The following WAC variants were observed in gnomAD, a reference collection of about 807,000 sequenced individuals.
WAC encodes WW domain-containing adapter protein with coiled-coil.
A neutral mutation model predicts 79.6 loss-of-function variants in WAC; 11 were observed. The ratio of observed to expected loss-of-function variants is 0.14; its 90% CI spans 0.09 to 0.23. The LOEUF (loss-of-function observed/expected upper bound fraction) is 0.23. Among genes scored for constraint, WAC ranks in the 10% least tolerant of loss-of-function variants. WAC has a pLI of 1.00. For synonymous variants in WAC, 304 were observed against 276.9 expected, an observed-to-expected ratio of 1.10 and a Z score of -0.97; for missense variants, 728 against 773.5, an observed-to-expected ratio of 0.94 and a Z score of 0.70.
rs1564367325 is a variant in WAC at position 28,534,067 on chromosome 10, AG to A, written c.78+37del. On this transcript the variant is annotated intron_variant, in intron 2 of 13. Coordinates refer to ENST00000354911, the MANE Select transcript of WAC (RefSeq NM_016628.5). ...CCGAGGCCGGGGTGGAGGGATTGGA[AG>A]GGGCCGGAGGGGGAAGGGAGGGACT... The A allele has an allele frequency of 2.6e-6, 4 of 1,551,346 alleles. No individual in the cohort carries two copies. In the Admixed American group the frequency reaches 8.0e-5, roughly 31 times the overall value.
chr10:28,585,728 G>A (rs1839788363), intron 4 of WAC, among the ~76,000 whole-genome samples: 1 of 151,962 alleles, frequency 6.6e-6, no homozygotes, highest in South Asian at 2.1e-4. Flanking sequence ...TGACAGTTTA[G>A]ATTTGCTATT....
chr10:28,556,501 G>C (rs370673990), intron 3 of WAC, among the ~76,000 whole-genome samples: 2 of 134,856 alleles, frequency 1.5e-5, no homozygotes, highest in African/African-American at 5.6e-5. Flanking sequence ...CTACTATTTT[G>C]TAGGTTGTTT....
chr10:28,603,987 ATG>A (rs202234326), intron 7 of WAC, among the ~76,000 whole-genome samples: 2,087 of 33,666 alleles, frequency 0.062, 101 homozygotes, highest in African/African-American at 0.089. Context: ...ATATATATAT[ATG>A]TATATATATA....
intron 11 of WAC, chr10:28,615,446 T>C (rs1841429100): frequency 6.6e-6 from 1 of 152,224 alleles, no homozygotes; most frequent in African/African-American, 2.4e-5. Flanking sequence ...GAAATTCTTC[T>C]TTTAAATTGT....
Position 28,583,378 on chromosome 10 carries a change from TTTG to T in WAC, c.275-18_275-16del. ...GAAATACAGTTTACTTGTAATTCAC[TTTG>T]TTCTTTATTTTTTTAAGGGACCAGT... On this transcript the variant is annotated intron_variant, in intron 3 of 13. Transcript: ENST00000354911. 6.5e-7 allele frequency: 1 copy of T among 1,535,286 alleles called. No homozygotes were observed. The highest frequency in any genetic ancestry group is 8.8e-7 in the Non-Finnish European group (1 of 1,133,656).
chr10:28,545,660 T>C (rs1257425135), intron 3 of WAC, among the ~76,000 whole-genome samples: 2 of 152,212 alleles, frequency 1.3e-5, no homozygotes, highest in Non-Finnish European at 2.9e-5. Context: ...AATTGTGTAA[T>C]GTGTTCTTGT....
intron 3 of WAC, among the ~76,000 whole-genome samples, chr10:28,546,952 T>A (rs904633316): frequency 6.6e-6 from 1 of 152,180 alleles, no homozygotes; most frequent in Non-Finnish European, 1.5e-5. Context: ...GGCTTTCTTT[T>A]TGTTTCTAAT....
chr10:28,600,409 A>G (rs796840228), intron 7 of WAC, among the ~76,000 whole-genome samples: 2 of 152,282 alleles, frequency 1.3e-5, no homozygotes, highest in African/African-American at 4.8e-5. Flanking sequence ...GCTGATGTAG[A>G]TGGTCATTAA....
chr10:28,534,214 T>G, intron 2 of WAC, 180 bp downstream of exon 2: 3 of 522,374 alleles, frequency 5.7e-6, no homozygotes, highest in Non-Finnish European at 9.8e-6. Flanking sequence ...CCAGCAAGGT[T>G]TAGTGACTTA....
chr10:28,607,710 C>G (rs1193812041), intron 7 of WAC, among the ~76,000 whole-genome samples: 1 of 152,176 alleles, frequency 6.6e-6, no homozygotes, highest in Non-Finnish European at 1.5e-5. Flanking sequence ...TGTACCTACC[C>G]TGATTTGTAT....
intron 4 of WAC, among the ~76,000 whole-genome samples, chr10:28,584,828 G>A (rs575184355): frequency 7.2e-5 from 11 of 152,164 alleles, no homozygotes; most frequent in African/African-American, 2.2e-4. Flanking sequence ...ACGGTGGCTC[G>A]CTCCTGTAAT....
Position 28,541,420 on chromosome 10 carries a change from G to GTT in WAC, c.274+5688_274+5689dup, listed in dbSNP as rs869099181. On this transcript the variant is annotated intron_variant, in intron 3 of 13. Coordinates refer to ENST00000354911, the MANE Select transcript of WAC (RefSeq NM_016628.5). ...GTGGGGTTGTGTGTGTGTGTGTTTT[G>GTT]TTTTTTTTTTTTTTTTTTTTTTTTT... Among the ~76,000 whole-genome samples the GTT allele has an allele frequency of 1.1e-3, 52 of 49,212 alleles. 3 individuals carry two copies. The highest frequency in any genetic ancestry group is 2.7e-3 in the South Asian group (3 of 1,112). The allele number at this position is 49,212 out of a possible 152,430, so 32.3% of individuals were successfully genotyped here.
chr10:28,558,713 T>C (rs767666503), intron 3 of WAC, among the ~76,000 whole-genome samples: 2 of 152,218 alleles, frequency 1.3e-5, no homozygotes, highest in African/African-American at 2.4e-5. Context: ...GTGAGTTTGC[T>C]TTACAGTGAA....
intron 3 of WAC, among the ~76,000 whole-genome samples, chr10:28,565,266 A>G (rs938055601): frequency 6.6e-6 from 1 of 152,236 alleles, no homozygotes; most frequent in Non-Finnish European, 1.5e-5. Context: ...CAGCTCTTAT[A>G]ACATTCATGT....
rs764323322 is a variant in WAC at position 28,610,754 on chromosome 10, T to C, written c.1221T>C (p.Leu407=). ...ASLQSIIHKF[L]TAGPSAFNIT... ...TGCAGTCTATAATTCATAAGTTTCT[T>C]ACTGCTGGACCATCTGCTTTCAACA... The change falls in exon 9 of 14, where the codon CTT becomes CTC. Residue 407 remains leucine (L), a synonymous_variant. Transcript: ENST00000354911. The C allele has an allele frequency of 2.5e-5, 40 of 1,612,856 alleles. 1 individual carries two copies. In the East Asian group the frequency reaches 8.7e-4, roughly 35 times the overall value.
intron 3 of WAC, among the ~76,000 whole-genome samples, chr10:28,555,994 G>A (rs910812665): frequency 2.6e-5 from 4 of 152,080 alleles, no homozygotes; most frequent in Non-Finnish European, 5.9e-5. Context: ...TATTGGCCAG[G>A]GTGATTAGAC....
intron 3 of WAC, among the ~76,000 whole-genome samples, chr10:28,544,262 C>T (rs959341042): frequency 1.3e-5 from 2 of 152,168 alleles, no homozygotes; most frequent in African/African-American, 4.8e-5. Flanking sequence ...GTGGATTAAA[C>T]AAATACTTGG....
rs572638940 is a variant in WAC, at chr10:28,545,564, CAG to C, written c.274+9809_274+9810del. On this transcript the variant is annotated intron_variant, in intron 3 of 13. Coordinates refer to ENST00000354911, the MANE Select transcript of WAC (RefSeq NM_016628.5). ...AAACTGCAGATTTAGGGAGAGTACA[CAG>C]AAGGGAAGAGGAACTCTGAAGTGGA... Among the ~76,000 whole-genome samples the C allele has an allele frequency of 3.5e-4, 53 of 152,260 alleles. No homozygotes were observed. The East Asian group carries it at 6.7e-3, about 19-fold the overall frequency.
intron 7 of WAC, among the ~76,000 whole-genome samples, chr10:28,606,709 T>C (rs1840971641): frequency 6.6e-6 from 1 of 152,226 alleles, no homozygotes; most frequent in Admixed American, 6.5e-5. Flanking sequence ...TCTAGTTTTA[T>C]ACTAAAAGCA....
Sources: gnomAD v4.1 joint callset for allele counts (sites outside exome capture counted in the v4.1 genomes callset) on GRCh38, gnomAD v4.1.1 for gene constraint, MANE v1.5 for transcripts, NCBI Gene and HGNC (gene_info 2026-07-23, HGNC 2026-07-21) for gene names.